Variants in COL9A1 observed in about 807,000 individuals in gnomAD.
COL9A1 encodes the protein collagen type IX alpha 1 chain.
Under a neutral mutation model 142.6 loss-of-function variants are expected in COL9A1, and 104 were observed. The observed-to-expected ratio is 0.73, with a 90% CI of 0.62 to 0.86. The LOEUF (loss-of-function observed/expected upper bound fraction) is 0.86. Ranked by LOEUF, COL9A1 falls within the 40% of genes least tolerant of loss-of-function variation. COL9A1 has a pLI of 0.00. For missense variants in COL9A1, 1,210 were observed against 1,176.6 expected (o/e 1.03, Z -0.42); for synonymous variants, 466 against 396.0 (o/e 1.18, Z -2.10).
chr6:70,254,461 G>A lies in COL9A1; in HGVS notation c.1719+15C>T. On this transcript the variant is annotated intron_variant, in intron 25 of 37. Coordinates refer to ENST00000357250, the MANE Select transcript of COL9A1 (RefSeq NM_001851.6). ...GTATATAAACCAATTAACATGTAAA[G>A]AATCAAATACTTACTGGTAACCCCT... 1 of 1,613,080 alleles carries A rather than the reference G, an allele frequency of 6.2e-7. No individual in the cohort carries two copies.
In COL9A1 at chr6:70,270,408, G is replaced by C. The variant is rs746401141; in HGVS notation, c.1144-41C>G. 3.8e-6 allele frequency: 6 copies of C among 1,574,006 alleles called. No individual in the cohort carries two copies. The Admixed American group carries it at 1.0e-4, about 26-fold the overall frequency. On this transcript the variant is annotated intron_variant, in intron 14 of 37. Coordinates refer to ENST00000357250, the MANE Select transcript of COL9A1 (RefSeq NM_001851.6). ...ATTGCGACACAGTGGTTATACATGT[G>C]TCAAAACACAGTACATAAAACCAGT...
intron 11 of COL9A1, 81 bp downstream of exon 11, chr6:70,274,638 G>A: frequency 1.7e-6 from 2 of 1,144,722 alleles, no homozygotes; most frequent in South Asian, 2.5e-5. Flanking sequence ...ATAACTTAAT[G>A]TTAGTTGGCT....
intron 4 of COL9A1, 138 bp downstream of exon 4, chr6:70,299,905 G>A: frequency 2.5e-6 from 2 of 795,068 alleles, no homozygotes; most frequent in Middle Eastern, 3.6e-4. Flanking sequence ...AGATAGGCAG[G>A]TAAATAAATT....
At chr6:70,281,680 G>T (rs761894133) in intron 7 of COL9A1, among the ~76,000 whole-genome samples, 1 of 152,170 alleles carries the variant, frequency 6.6e-6, no homozygotes. Flanking sequence ...GCTAGAGCAG[G>T]ATTGACGCCC....
chr6:70,251,721 T>C (rs1313246740), intron 28 of COL9A1, among the ~76,000 whole-genome samples: 3 of 152,154 alleles, frequency 2.0e-5, no homozygotes, highest in Admixed American at 6.5e-5. Context: ...GAGGTGGGTA[T>C]AAGATTCTTT....
intron 11 of COL9A1, among the ~76,000 whole-genome samples, chr6:70,274,458 C>T (rs541393107): frequency 3.9e-5 from 6 of 152,138 alleles, no homozygotes; most frequent in African/African-American, 1.2e-4. Flanking sequence ...TGAGAACATG[C>T]AGTATTTGGT....
At position 70,254,752 on chromosome 6, in the gene COL9A1, G is replaced by A. The variant is rs543128073; in HGVS notation, c.1665+211C>T. On this transcript the variant is annotated intron_variant, in intron 24 of 37. Transcript: ENST00000357250. ...TCTCTCAACTTACTTTCATCAACAG[G>A]GCAATTTTACTGAGTTCCTGAAACC... 6 of 679,590 alleles carry A rather than the reference G, an allele frequency of 8.8e-6. 1 individual carries two copies. The highest frequency in any genetic ancestry group is 1.8e-5 in the African/African-American group (1 of 55,534). 42.1% of individuals were successfully genotyped at this position (679,590 alleles called of 1,614,324 possible).
At position 70,225,899 on chromosome 6, in the gene COL9A1, T is replaced by C. The variant is rs756400521; in HGVS notation, c.2581+33A>G. On this transcript the variant is annotated intron_variant, in intron 37 of 37. Coordinates refer to ENST00000357250, the MANE Select transcript of COL9A1 (RefSeq NM_001851.6). Reference sequence around the variant, plus strand: ...GCTGTGTACTTGCTACCAATTTCGCTACCTCCTCCTCTCAGCTATACAACA... The same window carrying C: ...GCTGTGTACTTGCTACCAATTTCGCCACCTCCTCCTCTCAGCTATACAACA... 7 of 1,572,030 alleles carry C rather than the reference T, an allele frequency of 4.5e-6. No individual in the cohort carries two copies. The African/African-American group carries it at 8.1e-5, about 18-fold the overall frequency.
At chr6:70,293,490 G>A (rs547080635) in intron 5 of COL9A1, among the ~76,000 whole-genome samples, 92 of 151,920 alleles carry the variant, frequency 6.1e-4, no homozygotes, top group African/African-American at 2.0e-3. Flanking sequence ...ACAATACGTC[G>A]TGCAAGACCT....
Position 70,294,338 on chromosome 6 carries a change from C to A in COL9A1, c.525G>T (p.Leu175Phe). The A allele has an allele frequency of 6.2e-7, 1 of 1,614,048 alleles. No homozygotes were observed. The highest frequency in any genetic ancestry group is 8.5e-7 in the Non-Finnish European group (1 of 1,179,962). The change falls in exon 5 of 38, where the codon TTG (leucine) becomes TTT (phenylalanine). Residue 175 changes from leucine to phenylalanine, a missense_variant. By Grantham distance (22) the Leu-to-Phe change is conservative (BLOSUM62 0). Transcript: ENST00000357250. ...QTAAFSNLSS[L>F]FDSQWHKIMI... ...TGATCTTATGCCACTGGGAATCAAACAAGGAGGACAAATTCGAAAAGGCTG... is the reference window on the plus strand; with the variant it reads ...TGATCTTATGCCACTGGGAATCAAAAAAGGAGGACAAATTCGAAAAGGCTG...
chr6:70,234,186 G>A (rs1321126409), intron 35 of COL9A1, among the ~76,000 whole-genome samples: 2 of 151,972 alleles, frequency 1.3e-5, no homozygotes, highest in Admixed American at 1.3e-4. Flanking sequence ...AAGTGGTAGG[G>A]TCTTAAGGAG....
chr6:70,284,206 G>C (rs1427546749), intron 5 of COL9A1, among the ~76,000 whole-genome samples: 1 of 152,080 alleles, frequency 6.6e-6, no homozygotes, highest in Non-Finnish European at 1.5e-5. Flanking sequence ...GTCAGAGTCT[G>C]GGTTGAAACC....
chr6:70,287,606 A>G (rs1348890702), intron 5 of COL9A1, among the ~76,000 whole-genome samples: 1 of 150,688 alleles, frequency 6.6e-6, no homozygotes, highest in African/African-American at 2.4e-5. Flanking sequence ...TTCAAAAAAG[A>G]TGTCTACAAC....
chr6:70,255,675 A>G (rs1180002373), intron 21 of COL9A1, among the ~76,000 whole-genome samples: 1 of 152,218 alleles, frequency 6.6e-6, no homozygotes, highest in Non-Finnish European at 1.5e-5. Flanking sequence ...CATGCAGTGG[A>G]TTTCGACATC....
intron 35 of COL9A1, among the ~76,000 whole-genome samples, chr6:70,233,890 G>T (rs1769717361): frequency 6.6e-6 from 1 of 152,198 alleles, no homozygotes; most frequent in Admixed American, 6.5e-5. Flanking sequence ...CAGTGTTACA[G>T]AACTCCTCAG....
chr6:70,276,598 G>T (rs1772777462), intron 10 of COL9A1, among the ~76,000 whole-genome samples: 1 of 152,180 alleles, frequency 6.6e-6, no homozygotes, highest in African/African-American at 2.4e-5. Flanking sequence ...GGATTCTGGT[G>T]TCAGATGTTA....
At position 70,302,011 on chromosome 6, in the gene COL9A1, C is replaced by A. The variant is rs540615626; in HGVS notation, c.78G>T (p.Lys26Asn). The A allele has an allele frequency of 6.2e-7, 1 of 1,611,052 alleles. No individual in the cohort carries two copies. The highest frequency in any genetic ancestry group is 2.2e-5 in the East Asian group (1 of 44,870). ...AACTATGGCCCTTACTGGGGCGACG[C>A]TTGACAGCTGCAGATGCCCAGGGTT... ...FLEPWASAAV[K>N]RRPRFPVNSN... is the part of the protein sequence containing the mutation. Residue 26 changes from lysine (K) to asparagine (N), a missense_variant, in exon 2 of 38, where the codon AAG (lysine) becomes AAT (asparagine). Physicochemically the swap from Lys to Asn is moderately conservative, Grantham distance 94. Transcript: ENST00000357250.
intron 22 of COL9A1, 30 bp downstream of exon 22, chr6:70,255,307 G>C: frequency 6.2e-7 from 1 of 1,613,320 alleles, no homozygotes; most frequent in East Asian, 2.2e-5. Flanking sequence ...TGAAAAGCAG[G>C]AGGCTTGGAG....
At chr6:70,230,508 G>A (rs578076519) in intron 36 of COL9A1, among the ~76,000 whole-genome samples, 1 of 152,276 alleles carries the variant, frequency 6.6e-6, no homozygotes, top group East Asian at 1.9e-4. Flanking sequence ...GAAAAATTAA[G>A]AGGAAATACC....
Sources: gnomAD v4.1 joint callset for allele counts (sites outside exome capture counted in the v4.1 genomes callset) on GRCh38, gnomAD v4.1.1 for gene constraint, MANE v1.5 for transcripts, NCBI Gene and HGNC (gene_info 2026-07-23, HGNC 2026-07-21) for gene names.